The following MACROD2 variants were observed in gnomAD, a reference collection of about 807,000 sequenced individuals.
MACROD2 encodes ADP-ribose glycohydrolase MACROD2.
In MACROD2, 36 loss-of-function variants were observed where a neutral mutation model predicts 70.4. The ratio of observed to expected loss-of-function variants is 0.51; its 90% CI spans 0.39 to 0.68. MACROD2 has a LOEUF of 0.68. MACROD2 is among the 30% of genes least tolerant of loss of function. The pLI, the probability that MACROD2 is intolerant of heterozygous loss-of-function variation, is 0.00. For missense variants in MACROD2, 496 were observed against 538.4 expected (o/e 0.92, Z 0.78); for synonymous variants, 172 against 178.8 (o/e 0.96, Z 0.30).
chr20:14,370,660 G>C (rs2083314128), intron 3 of MACROD2, among the ~76,000 whole-genome samples: 1 of 152,160 alleles, frequency 6.6e-6, no homozygotes, highest in African/African-American at 2.4e-5. Flanking sequence ...TAAGGATAGA[G>C]AGCCAGCTTT....
chr20:14,454,894 A>C (rs1287876519), intron 3 of MACROD2, among the ~76,000 whole-genome samples: 2 of 151,850 alleles, frequency 1.3e-5, no homozygotes, highest in Non-Finnish European at 2.9e-5. Flanking sequence ...CTGGGACTAC[A>C]GGTGCCCACC....
intron 5 of MACROD2, among the ~76,000 whole-genome samples, chr20:15,092,973 G>A (rs2075803015): frequency 6.6e-6 from 1 of 152,086 alleles, no homozygotes; most frequent in African/African-American, 2.4e-5. Context: ...TCACTAGTTG[G>A]ATAGAGTTTT....
At chr20:15,747,620 A>C (rs772400735) in intron 8 of MACROD2, among the ~76,000 whole-genome samples, 28 of 152,136 alleles carry the variant, frequency 1.8e-4, no homozygotes, top group Non-Finnish European at 3.4e-4. Flanking sequence ...GTTGATGGAA[A>C]ATCAATGGAC....
At chr20:15,667,897 G>A (rs2049923447) in intron 8 of MACROD2, among the ~76,000 whole-genome samples, 1 of 152,030 alleles carries the variant, frequency 6.6e-6, no homozygotes, top group Non-Finnish European at 1.5e-5. Context: ...TCTATTTCTT[G>A]TAAACTACAA....
At chr20:14,692,915 A>T (rs2071080439) in intron 5 of MACROD2, among the ~76,000 whole-genome samples, 1 of 152,200 alleles carries the variant, frequency 6.6e-6, no homozygotes, top group African/African-American at 2.4e-5. Flanking sequence ...TTCTAATACT[A>T]AATGTTGTCT....
At chr20:14,630,159 C>T (rs1467141307) in intron 4 of MACROD2, among the ~76,000 whole-genome samples, 2 of 152,144 alleles carry the variant, frequency 1.3e-5, no homozygotes, top group Non-Finnish European at 2.9e-5. Context: ...TTGAGCCAAC[C>T]CTCTTAACCA....
chr20:14,657,888 A>T (rs762938875), intron 4 of MACROD2, among the ~76,000 whole-genome samples: 1 of 152,008 alleles, frequency 6.6e-6, no homozygotes, highest in African/African-American at 2.4e-5. Context: ...ACTCATTTTG[A>T]TAAGCAGATG....
At chr20:14,631,229 A>G (rs1326572871) in intron 4 of MACROD2, among the ~76,000 whole-genome samples, 1 of 152,180 alleles carries the variant, frequency 6.6e-6, no homozygotes, top group Non-Finnish European at 1.5e-5. Context: ...GATTTACAGC[A>G]ACCAATCAGA....
chr20:14,695,091 C>T (rs1186252260), intron 5 of MACROD2, among the ~76,000 whole-genome samples: 1 of 152,118 alleles, frequency 6.6e-6, no homozygotes, highest in East Asian at 1.9e-4. Context: ...CCTAGGGCTG[C>T]TGTAACAAAT....
chr20:15,819,111 C>A (rs941279827), intron 8 of MACROD2, among the ~76,000 whole-genome samples: 1 of 150,894 alleles, frequency 6.6e-6, no homozygotes, highest in Non-Finnish European at 1.5e-5. Context: ...ATGTTCATTG[C>A]AGCATTATTT....
intron 6 of MACROD2, among the ~76,000 whole-genome samples, chr20:15,303,971 C>T (rs2077671837): frequency 6.6e-6 from 1 of 152,090 alleles, no homozygotes; most frequent in Non-Finnish European, 1.5e-5. Context: ...CCTATAGTAT[C>T]CCCCAATTTA....
intron 3 of MACROD2, among the ~76,000 whole-genome samples, chr20:14,185,091 CTG>C (rs2081334265): frequency 6.6e-6 from 1 of 152,074 alleles, no homozygotes; most frequent in African/African-American, 2.4e-5. Flanking sequence ...GTGCCTGAAA[CTG>C]TGTGTGTAGA....
rs192976611 is a variant in MACROD2 at position 14,742,079 on chromosome 20, C to T, written c.418+57120C>T. On this transcript the variant is annotated intron_variant, in intron 5 of 17. Transcript: ENST00000684519. Reference sequence around the variant, plus strand: ...CCACTATTAAGTCTGTACTGAAAAACGTTCTTTAAATTTTGTGCTCAATCA... The same window carrying T: ...CCACTATTAAGTCTGTACTGAAAAATGTTCTTTAAATTTTGTGCTCAATCA... Among the ~76,000 whole-genome samples the T allele has an allele frequency of 6.4e-3, 981 of 152,176 alleles. 11 individuals carry two copies. Among genetic ancestry groups the T allele is most frequent in the African/African-American group, 0.022 (914 of 41,532 alleles).
intron 4 of MACROD2, among the ~76,000 whole-genome samples, chr20:14,527,549 A>G (rs1568655095): frequency 1.3e-5 from 2 of 152,168 alleles, no homozygotes; most frequent in South Asian, 4.1e-4. Flanking sequence ...CCACAAATAA[A>G]AGATGCATCA....
At chr20:15,673,737 G>A (rs1456405276) in intron 8 of MACROD2, among the ~76,000 whole-genome samples, 7 of 149,532 alleles carry the variant, frequency 4.7e-5, no homozygotes, top group Non-Finnish European at 8.9e-5. Flanking sequence ...TTTCCTCAGT[G>A]TTCTAGGTAT....
intron 6 of MACROD2, among the ~76,000 whole-genome samples, chr20:15,286,530 A>G (rs1325761534): frequency 8.6e-6 from 1 of 116,098 alleles, no homozygotes; most frequent in Non-Finnish European, 1.9e-5. Context: ...TGGGGAGGAG[A>G]ACAGAGAATA....
intron 4 of MACROD2, chr20:14,627,137 A>C: frequency 6.6e-6 from 1 of 152,226 alleles, no homozygotes; most frequent in Non-Finnish European, 1.5e-5. Flanking sequence ...TATATGAACT[A>C]GGTGGATCTG....
chr20:14,056,219 T>C (rs2053629561), intron 2 of MACROD2, among the ~76,000 whole-genome samples: 1 of 152,088 alleles, frequency 6.6e-6, no homozygotes, highest in African/African-American at 2.4e-5. Flanking sequence ...ATGTATAGAA[T>C]TTTCTTATGA....
intron 5 of MACROD2, among the ~76,000 whole-genome samples, chr20:14,809,540 C>A (rs2072682654): frequency 6.6e-6 from 1 of 151,618 alleles, no homozygotes; most frequent in Non-Finnish European, 1.5e-5. Context: ...GAAGCAAGAG[C>A]AAACAAATTC....
Sources: allele counts gnomAD v4.1 joint callset (sites outside exome capture counted in the v4.1 genomes callset), GRCh38; gene constraint gnomAD v4.1.1; transcripts MANE v1.5; gene names NCBI Gene and HGNC (gene_info 2026-07-23, HGNC 2026-07-21).